Variants in ARHGAP29 observed in about 807,000 individuals in gnomAD.
The protein encoded by ARHGAP29 is Rho GTPase activating protein 29.
In ARHGAP29, 43 loss-of-function variants were observed where a neutral mutation model predicts 122.6. The ratio of observed to expected loss-of-function variants is 0.35; its 90% CI spans 0.27 to 0.45. The LOEUF (loss-of-function observed/expected upper bound fraction) is 0.45, where lower values mean the gene tolerates loss of function less well. Among genes scored for constraint, ARHGAP29 ranks in the 20% least tolerant of loss-of-function variants. The pLI is 1.00. For synonymous variants in ARHGAP29, 506 were observed against 497.1 expected (o/e 1.02, Z -0.24); for missense variants, 1,303 against 1,477.2 (o/e 0.88, Z 1.93).
intron 22 of ARHGAP29, among the ~76,000 whole-genome samples, chr1:94,175,697 ATTG>A (rs1649051801): frequency 6.6e-6 from 1 of 150,928 alleles, no homozygotes; most frequent in Non-Finnish European, 1.5e-5. Context: ...AGGCTCTTTT[ATTG>A]TTTTGTTTTG....
At chr1:94,282,582 A>G in the ARHGAP29 span, among the ~76,000 whole-genome samples, 1 of 152,132 alleles carries the variant, frequency 6.6e-6, no homozygotes. Context: ...GCATGACCAC[A>G]CGTGGTCAAA....
Position 94,174,314 on chromosome 1 carries a change from C to G in ARHGAP29, c.3341G>C (p.Ser1114Thr), listed in dbSNP as rs1278927711. 6.2e-7 allele frequency: 1 copy of G among 1,614,076 alleles called. No individual in the cohort carries two copies. Among genetic ancestry groups the G allele is most frequent in the Non-Finnish European group, 8.5e-7 (1 of 1,180,046 alleles). ...EKGVTTSLQI[S>T]GDHSINATQP... ...AGTGGCATTGATAGAATGGTCCCCACTAATCTGGAGGCTTGTTGTCACTCC... is the reference window on the plus strand; with the variant it reads ...AGTGGCATTGATAGAATGGTCCCCAGTAATCTGGAGGCTTGTTGTCACTCC... Residue 1114 changes from serine to threonine, a missense_variant, in exon 23 of 23, where the codon AGT becomes ACT. Physicochemically the swap from Ser to Thr is moderately conservative, Grantham distance 58. This residue lies in a region of ARHGAP29 where 620 missense variants were observed against 651.2 expected (regional missense o/e 0.95). Transcript: ENST00000260526.
the ARHGAP29 span, among the ~76,000 whole-genome samples, chr1:94,306,747 GA>G: frequency 1.3e-5 from 2 of 152,302 alleles, no homozygotes; most frequent in East Asian, 3.9e-4. Context: ...GAACACATTT[GA>G]GAATGCTTAG....
At chr1:94,291,925 G>C in the ARHGAP29 span, among the ~76,000 whole-genome samples, 9 of 152,194 alleles carry the variant, frequency 5.9e-5, no homozygotes, top group Non-Finnish European at 2.9e-5. Context: ...TGACAATTTT[G>C]TGTCTTGGGG....
chr1:94,190,099 C>T lies in ARHGAP29; in HGVS notation c.1282-16G>A, dbSNP rs369987033. ...TAACTGTTACCTATGGACCCAGAGA[C>T]AAAAGGCAGAGTAACTCATGATATA... On this transcript the variant is annotated splice_polypyrimidine_tract_variant and intron_variant, in intron 12 of 22. Transcript: ENST00000260526. The T allele has an allele frequency of 5.3e-5, 85 of 1,610,590 alleles. No homozygotes were observed. Among genetic ancestry groups the T allele is most frequent in the Non-Finnish European group, 6.9e-5 (81 of 1,178,342 alleles).
intron 1 of ARHGAP29, among the ~76,000 whole-genome samples, chr1:94,260,112 C>A (rs540097899): frequency 6.6e-6 from 1 of 152,302 alleles, no homozygotes; most frequent in East Asian, 1.9e-4. Context: ...TGTCTACCAC[C>A]ATTTGCCACG....
chr1:94,190,248 G>C (rs569154517), intron 12 of ARHGAP29, 165 bp from the exon 13 acceptor site: 1 of 637,658 alleles, frequency 1.6e-6, no homozygotes, highest in East Asian at 3.1e-5. Context: ...CATAAGTCTA[G>C]ATTAGGGAGA....
At chr1:94,207,151 GAT>G (rs1247584064) in intron 5 of ARHGAP29, among the ~76,000 whole-genome samples, 9 of 151,654 alleles carry the variant, frequency 5.9e-5, no homozygotes, top group African/African-American at 2.2e-4. Flanking sequence ...TGGGACTACA[GAT>G]GCACATCACC....
the ARHGAP29 span, chr1:94,302,663 G>A: frequency 6.6e-6 from 3 of 452,944 alleles, no homozygotes; most frequent in Non-Finnish European, 1.3e-5. Flanking sequence ...GTGCTGCCAA[G>A]GCTGTGGGCA....
Position 94,187,699 on chromosome 1 carries a change from A to T in ARHGAP29, c.1682-1102T>A, listed in dbSNP as rs190243946. Among the ~76,000 whole-genome samples the T allele has an allele frequency of 5.1e-4, 77 of 152,258 alleles. No homozygotes were observed. In the East Asian group the frequency reaches 0.015, roughly 29 times the overall value. On this transcript the variant is annotated intron_variant, in intron 15 of 22. Transcript: ENST00000260526. The stretch of plus-strand genomic sequence containing the variant: ...TGGTTTCTAAAATTTTGCCTTTACC[A>T]CATGAAGTCTTATGGGATCCTAAAT...
At chr1:94,306,193 A>G in the ARHGAP29 span, among the ~76,000 whole-genome samples, 2 of 152,132 alleles carry the variant, frequency 1.3e-5, no homozygotes, top group Non-Finnish European at 2.9e-5. Flanking sequence ...GTCTTTCCCC[A>G]CCTCACAGGC....
At chr1:94,296,301 AGGT>A in the ARHGAP29 span, among the ~76,000 whole-genome samples, 10 of 152,072 alleles carry the variant, frequency 6.6e-5, no homozygotes, top group Admixed American at 6.5e-4. Flanking sequence ...TCGACTGTTG[AGGT>A]GGTATGGCAG....
At chr1:94,224,891 C>G (rs1401963658) in intron 2 of ARHGAP29, among the ~76,000 whole-genome samples, 1 of 152,062 alleles carries the variant, frequency 6.6e-6, no homozygotes, top group East Asian at 1.9e-4. Context: ...AAAATAGCAT[C>G]AGAATTATTT....
At chr1:94,211,285 T>TC (rs1489059039) in intron 3 of ARHGAP29, among the ~76,000 whole-genome samples, 2 of 2,774 alleles carry the variant, frequency 7.2e-4, no homozygotes, top group African/African-American at 1.1e-3. Flanking sequence ...AGGCTCTGGC[T>TC]CCAAAAAAAA....
chr1:94,184,459 TG>T (rs1307780788), intron 18 of ARHGAP29, among the ~76,000 whole-genome samples, 171 bp from the exon 19 acceptor site: 1 of 152,168 alleles, frequency 6.6e-6, no homozygotes, highest in East Asian at 1.9e-4. Context: ...TATAGAAATC[TG>T]AAAAAATTTA....
intron 7 of ARHGAP29, among the ~76,000 whole-genome samples, chr1:94,204,632 A>C (rs1440316524): frequency 1.3e-5 from 2 of 152,196 alleles, no homozygotes; most frequent in Non-Finnish European, 2.9e-5. Flanking sequence ...TACTTCTCAG[A>C]GTTTTTGTAA....
chr1:94,278,003 A>G (rs1655244657), upstream of ARHGAP29, among the ~76,000 whole-genome samples: 1 of 152,216 alleles, frequency 6.6e-6, no homozygotes, highest in African/African-American at 2.4e-5. Flanking sequence ...TTTTGTTGGT[A>G]TATTGGTCAG....
At chr1:94,278,245 T>C (rs75487645), upstream of ARHGAP29, among the ~76,000 whole-genome samples, 2 of 152,070 alleles carry the variant, frequency 1.3e-5, no homozygotes, top group Non-Finnish European at 2.9e-5. Flanking sequence ...TTTCAGCCCA[T>C]GAGTTGGAGT....
chr1:94,245,312 T>C (rs1383142326), intron 1 of ARHGAP29, among the ~76,000 whole-genome samples: 4 of 152,178 alleles, frequency 2.6e-5, no homozygotes, highest in Non-Finnish European at 5.9e-5. Flanking sequence ...TTTTTCATGA[T>C]AGTCAAAAAC....
Sources: allele counts gnomAD v4.1 joint callset (sites outside exome capture counted in the v4.1 genomes callset), GRCh38; gene constraint gnomAD v4.1.1; regional missense constraint gnomAD v4.1.1; transcripts MANE v1.5; gene names NCBI Gene and HGNC (gene_info 2026-07-23, HGNC 2026-07-21).